Variants in VPS13B observed in about 807,000 individuals in gnomAD.
The protein encoded by VPS13B is vacuolar protein sorting 13 homolog B.
Under a neutral mutation model 426.4 loss-of-function variants are expected in VPS13B, and 285 were observed. The observed-to-expected ratio is 0.67, with a 90% CI of 0.61 to 0.74. The LOEUF (loss-of-function observed/expected upper bound fraction) is 0.74, where lower values mean the gene tolerates loss of function less well. VPS13B is among the 30% of genes least tolerant of loss of function. The probability of loss-of-function intolerance (pLI) is 0.00; values close to 1 mark genes in which losing one functional copy is unlikely to be tolerated. For synonymous variants in VPS13B, 1,676 were observed against 1,676.4 expected, an observed-to-expected ratio of 1.00 and a Z score of 0.01; for missense variants, 4,537 against 4,782.6, an observed-to-expected ratio of 0.95 and a Z score of 1.51.
At chr8:99,458,706 A>G (rs2133482912) in intron 23 of VPS13B, among the ~76,000 whole-genome samples, 2 of 152,344 alleles carry the variant, frequency 1.3e-5, no homozygotes, top group African/African-American at 4.8e-5. Flanking sequence ...TTTTGGCTGC[A>G]TAAATGTCTT....
At chr8:99,338,541 A>G (rs1811058143) in intron 19 of VPS13B, among the ~76,000 whole-genome samples, 2 of 152,262 alleles carry the variant, frequency 1.3e-5, no homozygotes, top group South Asian at 2.1e-4. Context: ...TTTTGACGGT[A>G]TGTGATTCAC....
At chr8:99,084,742 G>C (rs1392084022) in intron 3 of VPS13B, among the ~76,000 whole-genome samples, 2 of 152,188 alleles carry the variant, frequency 1.3e-5, no homozygotes, top group Non-Finnish European at 2.9e-5. Flanking sequence ...AGGTTGTTCA[G>C]TTTCCATGTA....
intron 61 of VPS13B, among the ~76,000 whole-genome samples, chr8:99,874,363 A>G (rs1817585457): frequency 6.6e-6 from 1 of 152,204 alleles, no homozygotes; most frequent in South Asian, 2.1e-4. Flanking sequence ...CAAGCTTAAA[A>G]ACACAAGATT....
intron 49 of VPS13B, 36 bp from the exon 50 acceptor site, chr8:99,821,258 G>T: frequency 6.2e-7 from 1 of 1,604,774 alleles, no homozygotes. Context: ...TCAAAGGTAA[G>T]AAAATTACTT....
intron 19 of VPS13B, among the ~76,000 whole-genome samples, chr8:99,276,918 T>G (rs1187839969): frequency 6.6e-6 from 1 of 152,108 alleles, no homozygotes; most frequent in Non-Finnish European, 1.5e-5. Flanking sequence ...ACTCTTAATA[T>G]TTGTTTTACC....
Position 99,384,219 on chromosome 8 carries a change from C to G in VPS13B, c.2836C>G (p.Leu946Val). 1.2e-6 allele frequency: 2 copies of G among 1,613,798 alleles called. No homozygotes were observed. The highest frequency in any genetic ancestry group is 1.7e-6 in the Non-Finnish European group (2 of 1,179,828). The change falls in exon 20 of 62, where the codon CTT becomes GTT. Residue 946 changes from leucine to valine, a missense_variant. Around this residue, in one of 2 missense-constraint regions of VPS13B, gnomAD observed 4,311 missense variants for 4,474.3 expected, o/e 0.96. Transcript: ENST00000357162. ...ATCTTGTCTTTTAGGTGCTGTACTT[C>G]TTTGCAGTATACAAGGACTAGCAGT... ...DYCHNSGAVLLCSIQGLAVNI... is the reference protein window; with the variant it reads ...DYCHNSGAVLVCSIQGLAVNI...
intron 26 of VPS13B, among the ~76,000 whole-genome samples, chr8:99,502,452 G>T (rs1242531495): frequency 6.6e-6 from 1 of 152,036 alleles, no homozygotes; most frequent in Non-Finnish European, 1.5e-5. Context: ...AACATTAAAG[G>T]TTTACGTGTA....
At chr8:99,242,823 G>A (rs1368868166) in intron 17 of VPS13B, among the ~76,000 whole-genome samples, 1 of 152,110 alleles carries the variant, frequency 6.6e-6, no homozygotes, top group Non-Finnish European at 1.5e-5. Context: ...TAAATAGTTT[G>A]TAATGCCTTT....
intron 20 of VPS13B, among the ~76,000 whole-genome samples, chr8:99,390,013 T>C (rs1814336352): frequency 6.6e-6 from 1 of 152,188 alleles, no homozygotes; most frequent in Non-Finnish European, 1.5e-5. Context: ...ATTTGTGTAT[T>C]ATCAGTTTGA....
intron 44 of VPS13B, among the ~76,000 whole-genome samples, chr8:99,812,782 T>C (rs1042619108): frequency 2.6e-5 from 4 of 152,204 alleles, no homozygotes; most frequent in African/African-American, 9.7e-5. Context: ...TTTAATCATG[T>C]TTAAGATATC....
At chr8:99,813,465 C>G (rs989436992) in intron 44 of VPS13B, among the ~76,000 whole-genome samples, 1 of 152,200 alleles carries the variant, frequency 6.6e-6, no homozygotes, top group South Asian at 2.1e-4. Flanking sequence ...AATAATGCTT[C>G]AGAGTTTTCA....
chr8:99,447,417 G>C (rs1817976470), intron 23 of VPS13B, among the ~76,000 whole-genome samples: 1 of 152,148 alleles, frequency 6.6e-6, no homozygotes, highest in Non-Finnish European at 1.5e-5. Flanking sequence ...TAGTTTACCT[G>C]TACATGAATA....
chr8:99,108,907 A>G (rs1847196181), intron 5 of VPS13B, among the ~76,000 whole-genome samples: 1 of 152,084 alleles, frequency 6.6e-6, no homozygotes, highest in African/African-American at 2.4e-5. Context: ...CTCCACTTCA[A>G]TTTTTTGGAA....
intron 17 of VPS13B, among the ~76,000 whole-genome samples, chr8:99,204,866 A>C (rs1024997544): frequency 6.6e-6 from 1 of 152,198 alleles, no homozygotes; most frequent in Non-Finnish European, 1.5e-5. Context: ...CAGATGCTGG[A>C]GAGGATGTGG....
At chr8:99,355,182 T>G (rs182863119) in intron 19 of VPS13B, among the ~76,000 whole-genome samples, 1 of 152,354 alleles carries the variant, frequency 6.6e-6, no homozygotes, top group East Asian at 1.9e-4. Context: ...GTTAACATTC[T>G]ATCTCACTTA....
Position 99,832,707 on chromosome 8 carries a change from C to A in VPS13B, c.9614+55C>A. ...TTCTTTGCTTGTCAGTCTAGCTGTT[C>A]ATCTAGATGCCAAGAGAGATACAAT... On this transcript the variant is annotated intron_variant, in intron 52 of 61. Transcript: ENST00000357162. The A allele has an allele frequency of 2.5e-6, 4 of 1,572,028 alleles. No homozygotes were observed. The South Asian group carries it at 4.5e-5, about 18-fold the overall frequency.
intron 17 of VPS13B, among the ~76,000 whole-genome samples, chr8:99,229,143 A>G (rs1265003435): frequency 1.3e-5 from 2 of 152,200 alleles, no homozygotes; most frequent in Non-Finnish European, 2.9e-5. Context: ...ACACCTGTGA[A>G]AAAAAGGGTC....
intron 8 of VPS13B, among the ~76,000 whole-genome samples, chr8:99,127,999 ATATT>A (rs1809525075): frequency 6.6e-6 from 1 of 152,150 alleles, no homozygotes; most frequent in African/African-American, 2.4e-5. Flanking sequence ...CCTCACATAG[ATATT>A]TATTTGGAAA....
intron 58 of VPS13B, among the ~76,000 whole-genome samples, chr8:99,862,538 T>A (rs1182108602): frequency 6.6e-6 from 1 of 152,218 alleles, no homozygotes; most frequent in Non-Finnish European, 1.5e-5. Flanking sequence ...CTTTAAAAAA[T>A]TTATGAAAAG....
Sources: allele counts gnomAD v4.1 joint callset (sites outside exome capture counted in the v4.1 genomes callset), GRCh38; gene constraint gnomAD v4.1.1; regional missense constraint gnomAD v4.1.1; transcripts MANE v1.5; gene names NCBI Gene and HGNC (gene_info 2026-07-23, HGNC 2026-07-21).